Variants in NRG3 observed in about 807,000 individuals in gnomAD.
The protein encoded by NRG3 is neuregulin 3.
A neutral mutation model predicts 66.9 loss-of-function variants in NRG3; 31 were observed. The observed-to-expected ratio is 0.46, with a 90% CI of 0.35 to 0.63. NRG3 has a LOEUF of 0.63. NRG3 is among the 20% of genes least tolerant of loss of function. The pLI is 0.00. For synonymous variants in NRG3, 393 were observed against 359.4 expected (o/e 1.09, Z -1.06); for missense variants, 910 against 878.9 (o/e 1.04, Z -0.45).
chr10:82,792,178 C>T (rs2060615181), intron 3 of NRG3, among the ~76,000 whole-genome samples: 1 of 152,042 alleles, frequency 6.6e-6, no homozygotes, highest in African/African-American at 2.4e-5. Context: ...CAAATGTTAC[C>T]TATCTTTCAT....
At position 82,408,391 on chromosome 10, in the gene NRG3, C is replaced by T. The variant is rs141071553; in HGVS notation, c.953+49523C>T. On this transcript the variant is annotated intron_variant, in intron 2 of 8. Coordinates refer to ENST00000372141, the MANE Select transcript of NRG3 (RefSeq NM_001010848.4). Reference sequence around the variant, plus strand: ...AAAACTGATGTATCATCAAGGAGTTCATGATTCAATTCAACTCTCCTTAAG... The same window carrying T: ...AAAACTGATGTATCATCAAGGAGTTTATGATTCAATTCAACTCTCCTTAAG... Among the ~76,000 whole-genome samples the T allele has an allele frequency of 3.7e-3, 562 of 152,060 alleles. 1 individual carries two copies. The highest frequency in any genetic ancestry group is 0.013 in the African/African-American group (532 of 41,514).
intron 2 of NRG3, among the ~76,000 whole-genome samples, chr10:82,557,753 T>G (rs2132968349): frequency 6.6e-6 from 1 of 152,310 alleles, no homozygotes; most frequent in South Asian, 2.1e-4. Context: ...GCCAGACATG[T>G]TTCTAAGTCC....
Position 82,573,095 on chromosome 10 carries a change from A to G in NRG3, c.954-165482A>G, listed in dbSNP as rs150597803. Among the ~76,000 whole-genome samples the G allele has an allele frequency of 3.4e-3, 517 of 151,936 alleles. 2 individuals carry two copies. Among genetic ancestry groups the G allele is most frequent in the Non-Finnish European group, 5.5e-3 (370 of 67,846 alleles). On this transcript the variant is annotated intron_variant, in intron 2 of 8. Transcript: ENST00000372141. ...TGGCAATGGAAGGATATGTGAGAATATGTGACAAGAGATTGTCTTTTCCTT... is the reference window on the plus strand; with the variant it reads ...TGGCAATGGAAGGATATGTGAGAATGTGTGACAAGAGATTGTCTTTTCCTT...
At chr10:82,711,099 G>A (rs2056638170) in intron 2 of NRG3, among the ~76,000 whole-genome samples, 1 of 152,136 alleles carries the variant, frequency 6.6e-6, no homozygotes, top group Admixed American at 6.5e-5. Flanking sequence ...ATTAATTAGA[G>A]ACAGGGTCTC....
At chr10:82,252,140 A>G (rs1299422928) in intron 1 of NRG3, among the ~76,000 whole-genome samples, 4 of 152,210 alleles carry the variant, frequency 2.6e-5, no homozygotes, top group Non-Finnish European at 4.4e-5. Context: ...TTCTCTATCC[A>G]TTTAATTAAT....
At chr10:82,408,918 C>T (rs954989237) in intron 2 of NRG3, among the ~76,000 whole-genome samples, 4 of 151,834 alleles carry the variant, frequency 2.6e-5, no homozygotes, top group Admixed American at 6.6e-5. Flanking sequence ...GAAACTTTTC[C>T]ACATGTGGAA....
intron 1 of NRG3, among the ~76,000 whole-genome samples, chr10:81,993,197 A>T (rs2060805932): frequency 6.6e-6 from 1 of 152,192 alleles, no homozygotes; most frequent in South Asian, 2.1e-4. Context: ...GCCATCCTTC[A>T]ATGTGTTTAG....
chr10:81,911,567 G>A (rs1845151442), intron 1 of NRG3, among the ~76,000 whole-genome samples: 1 of 149,804 alleles, frequency 6.7e-6, no homozygotes, highest in African/African-American at 2.5e-5. Flanking sequence ...ACTGGAGTGT[G>A]GGCTTGTGTG....
At chr10:82,372,791 G>A (rs12257588) in intron 2 of NRG3, among the ~76,000 whole-genome samples, 2,543 of 152,194 alleles carry the variant, frequency 0.017, 68 homozygotes, top group African/African-American at 0.057. Flanking sequence ...ACAGGGTTTC[G>A]CCATGTTGGC....
At chr10:82,800,830 A>G (rs778856578) in intron 3 of NRG3, among the ~76,000 whole-genome samples, 2 of 152,146 alleles carry the variant, frequency 1.3e-5, no homozygotes, top group Non-Finnish European at 2.9e-5. Flanking sequence ...AGGTGACCTG[A>G]GCAGAATCCA....
chr10:82,158,448 T>C (rs2071338472), intron 1 of NRG3, among the ~76,000 whole-genome samples: 1 of 151,766 alleles, frequency 6.6e-6, no homozygotes, highest in African/African-American at 2.4e-5. Flanking sequence ...TATGTCTGTG[T>C]CTCCGTATGT....
At chr10:82,089,218 A>G (rs1452984657) in intron 1 of NRG3, among the ~76,000 whole-genome samples, 1 of 151,690 alleles carries the variant, frequency 6.6e-6, no homozygotes, top group Admixed American at 6.6e-5. Context: ...ATGCTAATTT[A>G]TAAGTAGCAA....
At chr10:82,596,444 G>T (rs951108911) in intron 2 of NRG3, among the ~76,000 whole-genome samples, 1 of 152,146 alleles carries the variant, frequency 6.6e-6, no homozygotes, top group East Asian at 1.9e-4. Context: ...CTGCAAAGTG[G>T]CTACTCCCTG....
chr10:82,717,486 G>A (rs2057046381), intron 2 of NRG3, among the ~76,000 whole-genome samples: 1 of 145,058 alleles, frequency 6.9e-6, no homozygotes, highest in Non-Finnish European at 1.5e-5. Context: ...TGCAAGCTCT[G>A]CCTCCCAGGT....
chr10:82,076,851 G>A (rs1326603814), intron 1 of NRG3, among the ~76,000 whole-genome samples: 2 of 152,172 alleles, frequency 1.3e-5, no homozygotes, highest in Non-Finnish European at 2.9e-5. Flanking sequence ...AAATTATCCA[G>A]TCTCAGGTAT....
intron 1 of NRG3, among the ~76,000 whole-genome samples, chr10:82,253,322 A>T (rs990367624): frequency 2.0e-5 from 3 of 151,910 alleles, no homozygotes; most frequent in African/African-American, 7.3e-5. Context: ...CTCTCTTCCT[A>T]CTTCAAACCC....
chr10:82,224,820 A>C (rs1318632358), intron 1 of NRG3, among the ~76,000 whole-genome samples: 1 of 152,156 alleles, frequency 6.6e-6, no homozygotes, highest in Non-Finnish European at 1.5e-5. Flanking sequence ...AGTAAAAATC[A>C]TAGGAAAGAG....
At chr10:81,985,774 C>T (rs1276426132) in intron 1 of NRG3, among the ~76,000 whole-genome samples, 2 of 152,212 alleles carry the variant, frequency 1.3e-5, no homozygotes, top group Non-Finnish European at 2.9e-5. Context: ...GCATGAATCA[C>T]CCACATGAGT....
chr10:82,467,702 G>A (rs1254938432), intron 2 of NRG3, among the ~76,000 whole-genome samples: 1 of 152,164 alleles, frequency 6.6e-6, no homozygotes, highest in Non-Finnish European at 1.5e-5. Context: ...TGTGACTGAT[G>A]AGCTAAGGCA....
Sources: gnomAD v4.1 joint callset for allele counts (sites outside exome capture counted in the v4.1 genomes callset) on GRCh38, gnomAD v4.1.1 for gene constraint, MANE v1.5 for transcripts, NCBI Gene and HGNC (gene_info 2026-07-23, HGNC 2026-07-21) for gene names.